The following QSER1 variants were observed in gnomAD, a reference collection of about 807,000 sequenced individuals.
The protein encoded by QSER1 is glutamine and serine-rich protein 1.
Under a neutral mutation model 158.5 loss-of-function variants are expected in QSER1, and 49 were observed. The ratio of observed to expected loss-of-function variants is 0.31; its 90% CI spans 0.25 to 0.39. The LOEUF is 0.39. Ranked by LOEUF, QSER1 falls within the 10% of genes least tolerant of loss-of-function variation. The pLI is 1.00. For synonymous variants in QSER1, 650 were observed against 715.5 expected (o/e 0.91, Z 1.46); for missense variants, 1,754 against 2,010.3 (o/e 0.87, Z 2.44).
At chr11:32,923,538 C>T (rs112009154) in intron 1 of QSER1, among the ~76,000 whole-genome samples, 14,678 of 151,972 alleles carry the variant, frequency 0.097, 955 homozygotes, top group Non-Finnish European at 0.14. Flanking sequence ...ATTAGCCTGG[C>T]GCAGTGGTGC....
At chr11:32,943,237 C>A (rs1226952251) in intron 4 of QSER1, among the ~76,000 whole-genome samples, 1 of 151,582 alleles carries the variant, frequency 6.6e-6, no homozygotes, top group African/African-American at 2.4e-5. Context: ...CCTTCTCCTG[C>A]CTAATTGCCC....
intron 4 of QSER1, among the ~76,000 whole-genome samples, chr11:32,939,302 C>T (rs1852196280): frequency 6.6e-6 from 1 of 152,128 alleles, no homozygotes; most frequent in Admixed American, 6.6e-5. Context: ...GTTTTGTTTG[C>T]ATCTCTGGAT....
chr11:32,977,471 C>T lies in QSER1; in HGVS notation c.*997C>T, dbSNP rs1401284776. 1 of 152,606 alleles carries T rather than the reference C, an allele frequency of 6.6e-6. No homozygotes were observed. Among genetic ancestry groups the T allele is most frequent in the Non-Finnish European group, 1.5e-5 (1 of 68,016 alleles). 9.5% of individuals were successfully genotyped at this position (152,606 alleles called of 1,614,324 possible). On this transcript the variant is annotated 3_prime_UTR_variant, in exon 13 of 13. Coordinates refer to ENST00000650167, the MANE Select transcript of QSER1 (RefSeq NM_001076786.3). ...TCTAATTCATAAAATAAACTTCTTACTAAACTAGCACTTGATTAACTTGTT... is the reference window on the plus strand; with the variant it reads ...TCTAATTCATAAAATAAACTTCTTATTAAACTAGCACTTGATTAACTTGTT...
Position 32,956,096 on chromosome 11 carries a change from A to C in QSER1, c.4726A>C (p.Arg1576=). 3 of 1,611,780 alleles carry C rather than the reference A, an allele frequency of 1.9e-6. No individual in the cohort carries two copies. Among genetic ancestry groups the C allele is most frequent in the Non-Finnish European group, 2.5e-6 (3 of 1,178,748 alleles). ...TGTCAGAGTGTGTTCTAAAAAGCCAAGAAATAAACCTTCACAAACTATCAG... is the reference window on the plus strand; with the variant it reads ...TGTCAGAGTGTGTTCTAAAAAGCCACGAAATAAACCTTCACAAACTATCAG... ...EYVRVCSKKP[R]NKPSQTIRTV... The change falls in exon 7 of 13, where the codon AGA becomes CGA. Residue 1576 remains arginine (R), a synonymous_variant. Transcript: ENST00000650167.
chr11:32,971,733 AT>A (rs1489450395), intron 10 of QSER1, among the ~76,000 whole-genome samples: 1 of 152,164 alleles, frequency 6.6e-6, no homozygotes, highest in Non-Finnish European at 1.5e-5. Context: ...TTCTACACTT[AT>A]ACTAAGAAAA....
chr11:32,908,897 C>T (rs1409874322), intron 1 of QSER1, among the ~76,000 whole-genome samples: 1 of 152,152 alleles, frequency 6.6e-6, no homozygotes, highest in South Asian at 2.1e-4. Flanking sequence ...CAGTGATTCA[C>T]GCCTGTAATC....
chr11:32,927,901 T>C, intron 2 of QSER1, 61 bp from the exon 3 acceptor site: 2 of 457,690 alleles, frequency 4.4e-6, no homozygotes, highest in East Asian at 6.5e-5. Context: ...GTCAGGAATA[T>C]AATTTATACA....
At chr11:32,917,550 G>A (rs959866493) in intron 1 of QSER1, among the ~76,000 whole-genome samples, 4 of 152,214 alleles carry the variant, frequency 2.6e-5, no homozygotes, top group Non-Finnish European at 5.9e-5. Context: ...TTATGGCCAG[G>A]TGTGGTGGCT....
intron 8 of QSER1, among the ~76,000 whole-genome samples, chr11:32,963,823 T>C (rs763616257): frequency 6.6e-6 from 1 of 152,160 alleles, no homozygotes; most frequent in Non-Finnish European, 1.5e-5. Flanking sequence ...TGCACCACCA[T>C]GCCCAGCTAA....
At chr11:32,960,130 C>T (rs1852595532) in intron 8 of QSER1, among the ~76,000 whole-genome samples, 1 of 152,262 alleles carries the variant, frequency 6.6e-6, no homozygotes, top group Non-Finnish European at 1.5e-5. Flanking sequence ...ACACACCCAG[C>T]TACTTGGGAG....
rs547301503 is a variant in QSER1 at position 32,893,716 on chromosome 11, A to G, written c.209+382A>G. ...GGAGAGTTTGGGGCAGTGGCGATCC[A>G]TTGTATTGGAACCTGGGTGGCCGAC... On this transcript the variant is annotated intron_variant, in intron 1 of 12. Coordinates refer to ENST00000650167, the MANE Select transcript of QSER1 (RefSeq NM_001076786.3). This position sits in a 1 kb window ranked among gnomAD's most constrained non-coding sequence, Gnocchi z 4.7. Among the ~76,000 whole-genome samples the G allele has an allele frequency of 6.6e-6, 1 of 152,278 alleles. No homozygotes were observed. Among genetic ancestry groups the G allele is most frequent in the East Asian group, 1.9e-4 (1 of 5,154 alleles).
intron 4 of QSER1, among the ~76,000 whole-genome samples, chr11:32,944,411 A>G (rs1590172978): frequency 1.3e-5 from 2 of 149,616 alleles, no homozygotes; most frequent in Middle Eastern, 6.8e-3. Flanking sequence ...CTTTGAATGC[A>G]TCCCAGAGAT....
At chr11:32,975,580 A>C in intron 12 of QSER1, 1 of 1,336,446 alleles carries the variant, frequency 7.5e-7, no homozygotes, top group Non-Finnish European at 9.7e-7. Flanking sequence ...TAATGTTTTG[A>C]AGCTGTTGGT....
chr11:32,954,376 C>T (rs543225106), intron 5 of QSER1, among the ~76,000 whole-genome samples, 197 bp downstream of exon 5: 51 of 152,148 alleles, frequency 3.4e-4, no homozygotes, highest in African/African-American at 1.1e-3. Context: ...CTTAGTTGTA[C>T]GTATTTCTGT....
In QSER1 at chr11:32,955,209, C is replaced by A. The variant is rs1852490567; in HGVS notation, c.4501-87C>A. On this transcript the variant is annotated intron_variant, in intron 5 of 12. Transcript: ENST00000650167. ...AGATAAAAGGTTGAGCTAGGGTAGG[C>A]CTTTCAGATTCCTTTCATCTCTAAT... 9 of 693,578 alleles carry A rather than the reference C, an allele frequency of 1.3e-5. No homozygotes were observed. In the South Asian group the frequency reaches 1.6e-4, roughly 12 times the overall value. The allele number at this position is 693,578 out of a possible 1,614,324, so 43.0% of individuals were successfully genotyped here. A position where few individuals can be genotyped will look rare whatever the true frequency, so the allele number is the denominator to read the frequency against.
At chr11:32,950,891 ATT>A (rs1852410000) in intron 4 of QSER1, among the ~76,000 whole-genome samples, 4 of 152,272 alleles carry the variant, frequency 2.6e-5, no homozygotes, top group Middle Eastern at 3.4e-3. Context: ...GATATACCAC[ATT>A]TTGTATATTC....
chr11:32,933,077 G>A lies in QSER1; in HGVS notation c.1819G>A (p.Ala607Thr). The A allele has an allele frequency of 6.2e-7, 1 of 1,613,678 alleles. No homozygotes were observed. The highest frequency in any genetic ancestry group is 1.3e-5 in the African/African-American group (1 of 74,994). ...LTAPSLSYSS[A>T]SRAQNLPDSS... ...AGCCCCTTCTCTTTCTTATTCTTCT[G>A]CCTCTCGGGCTCAGAATTTGCCAGA... Residue 607 changes from alanine to threonine, a missense_variant, in exon 4 of 13, where the codon GCC becomes ACC. Transcript: ENST00000650167.
At chr11:32,914,098 T>C (rs1284226398) in intron 1 of QSER1, among the ~76,000 whole-genome samples, 1 of 152,262 alleles carries the variant, frequency 6.6e-6, no homozygotes, top group Non-Finnish European at 1.5e-5. Flanking sequence ...GATAGGTATA[T>C]GCTAGAGTTC....
chr11:32,960,829 C>T (rs774230685), intron 8 of QSER1, among the ~76,000 whole-genome samples: 10 of 152,128 alleles, frequency 6.6e-5, no homozygotes, highest in Non-Finnish European at 4.4e-5. Context: ...TTTACATTCT[C>T]AGGCTAAAGA....
Sources: allele counts gnomAD v4.1 joint callset (sites outside exome capture counted in the v4.1 genomes callset), GRCh38; gene constraint gnomAD v4.1.1; non-coding constraint Gnocchi (gnomAD v3.1); transcripts MANE v1.5; gene names NCBI Gene and HGNC (gene_info 2026-07-23, HGNC 2026-07-21).